The following A2M variants were observed in gnomAD, a reference collection of about 807,000 sequenced individuals.
A2M encodes C3 and PZP-like alpha-2-macroglobulin domain-containing protein 5.
In A2M, 128 loss-of-function variants were observed where a neutral mutation model predicts 183.9. The observed-to-expected ratio is 0.70, with a 90% CI of 0.60 to 0.81. The LOEUF (loss-of-function observed/expected upper bound fraction) is 0.81, where lower values mean the gene tolerates loss of function less well. Ranked by LOEUF, A2M falls within the 30% of genes least tolerant of loss-of-function variation. The probability of loss-of-function intolerance (pLI) is 0.00; values close to 1 mark genes in which losing one functional copy is unlikely to be tolerated. For missense variants in A2M, 1,495 were observed against 1,787.6 expected, an observed-to-expected ratio of 0.84 and a Z score of 2.95; for synonymous variants, 592 against 670.8, an observed-to-expected ratio of 0.88 and a Z score of 1.81.
chr12:9,068,664 C>G (rs1380549480), intron 34 of A2M, 76 bp downstream of exon 34: 1 of 1,169,686 alleles, frequency 8.5e-7, no homozygotes, highest in Non-Finnish European at 1.2e-6. Flanking sequence ...TAATAAATAA[C>G]CCCAACACAT....
chr12:9,079,617 C>T (rs768075039), intron 24 of A2M, 22 bp downstream of exon 24: 3 of 1,603,026 alleles, frequency 1.9e-6, no homozygotes, highest in South Asian at 1.1e-5. Context: ...TCAAGTTTTC[C>T]CTTACTCAAG....
intron 31 of A2M, among the ~76,000 whole-genome samples, chr12:9,072,044 A>G (rs74061424): frequency 1.2e-4 from 19 of 152,274 alleles, no homozygotes; most frequent in African/African-American, 4.6e-4. Flanking sequence ...CTTCATCTCT[A>G]TCTTCAATAA....
intron 4 of A2M, 168 bp downstream of exon 4, chr12:9,111,991 C>A (rs1938762229): frequency 1.3e-6 from 1 of 788,202 alleles, no homozygotes. Context: ...TACCTACTTT[C>A]TTTACCTGGA....
intron 1 of A2M, 80 bp from the exon 2 acceptor site, chr12:9,113,623 A>T: frequency 7.4e-7 from 1 of 1,354,660 alleles, no homozygotes; most frequent in Non-Finnish European, 1.0e-6. Context: ...CCATCATCAT[A>T]ATTATCATCA....
intron 15 of A2M, among the ~76,000 whole-genome samples, chr12:9,095,949 C>T (rs1160598666): frequency 2.7e-5 from 4 of 150,412 alleles, no homozygotes; most frequent in East Asian, 3.9e-4. Flanking sequence ...TTAGTAGAGA[C>T]GGGGTTTCAC....
At position 9,069,819 on chromosome 12, in the gene A2M, G is replaced by GA. The variant is rs1948511119; in HGVS notation, c.4195-7dup. 1 of 1,613,064 alleles carries GA rather than the reference G, an allele frequency of 6.2e-7. No individual in the cohort carries two copies. The highest frequency in any genetic ancestry group is 8.5e-7 in the Non-Finnish European group (1 of 1,179,328). On this transcript the variant is annotated splice_polypyrimidine_tract_variant and splice_region_variant and intron_variant, in intron 32 of 35. Coordinates refer to ENST00000318602, the MANE Select transcript of A2M (RefSeq NM_000014.6). ...ACATGGTTAGATCTTTCAAGCTGAA[G>GA]AAAATTGAAATACCACAAATGTTAA...
intron 29 of A2M, among the ~76,000 whole-genome samples, chr12:9,073,893 G>T (rs1408581682): frequency 6.6e-6 from 1 of 152,094 alleles, no homozygotes; most frequent in African/African-American, 2.4e-5. Flanking sequence ...TTCGAGATCA[G>T]CCTGGGCAAC....
At chr12:9,079,572 C>T (rs1245977631) in intron 24 of A2M, 67 bp downstream of exon 24, 2 of 1,459,648 alleles carry the variant, frequency 1.4e-6, no homozygotes, top group Non-Finnish European at 1.9e-6. Flanking sequence ...TCATAAGTAA[C>T]TGAAACCTAC....
chr12:9,099,556 A>C lies in A2M; in HGVS notation c.1559-33T>G, dbSNP rs376689482. On this transcript the variant is annotated intron_variant, in intron 13 of 35. Transcript: ENST00000318602. ...ACAAAGAGAATGAGAGGAAGCCATC[A>C]TAGGTTAATGACTATTTCCATTAGT... 5 of 1,587,986 alleles carry C rather than the reference A, an allele frequency of 3.1e-6. No individual in the cohort carries two copies. The African/African-American group carries it at 6.7e-5, about 21-fold the overall frequency.
At chr12:9,109,810 A>G in intron 6 of A2M, 57 bp downstream of exon 6, 2 of 1,496,454 alleles carry the variant, frequency 1.3e-6, no homozygotes, top group South Asian at 2.7e-5. Flanking sequence ...AAATTCCAGG[A>G]CCTAAGAGTT....
intron 22 of A2M, among the ~76,000 whole-genome samples, chr12:9,088,508 A>G (rs1949113854): frequency 6.6e-6 from 1 of 152,160 alleles, no homozygotes. Flanking sequence ...TTTATGTGTT[A>G]CATCTTGGCA....
chr12:9,079,115 T>C, intron 25 of A2M, 129 bp downstream of exon 25: 1 of 654,204 alleles, frequency 1.5e-6, no homozygotes, highest in East Asian at 2.8e-5. Context: ...TCTTGGTGGA[T>C]TTATCTAGTA....
intron 28 of A2M, 137 bp from the exon 29 acceptor site, chr12:9,074,920 T>G: frequency 1.0e-6 from 1 of 969,166 alleles, no homozygotes; most frequent in Admixed American, 2.8e-5. Flanking sequence ...TGCTTTTCCC[T>G]TCATGTAAAT....
At chr12:9,095,915 G>A (rs967169696) in intron 15 of A2M, among the ~76,000 whole-genome samples, 7 of 150,828 alleles carry the variant, frequency 4.6e-5, no homozygotes, top group African/African-American at 4.9e-5. Flanking sequence ...GCCCGCCACC[G>A]CGCCCGGCTA....
chr12:9,099,650 G>GA (rs1364541425), intron 13 of A2M, 127 bp from the exon 14 acceptor site: 26 of 1,171,448 alleles, frequency 2.2e-5, no homozygotes, highest in African/African-American at 6.3e-5. Flanking sequence ...TCTAGCTTTA[G>GA]AAAAAAACCC....
Position 9,089,205 on chromosome 12 carries a change from G to A in A2M, c.2765C>T (p.Pro922Leu), listed in dbSNP as rs1344416398. ...TTATGATGGTTGACTCTTACCTGAT[G>A]GACAAAGTAGGGAGTTGAATGTTGT... ...KETTFNSLLC[P>L]SGGEVSEELS... Residue 922 changes from proline (P) to leucine (L), a missense_variant, in exon 22 of 36, where the codon CCA becomes CTA. Pro to Leu is a moderately conservative substitution (Grantham distance 98). Transcript: ENST00000318602. 2 of 1,586,514 alleles carry A rather than the reference G, an allele frequency of 1.3e-6. No homozygotes were observed. Among genetic ancestry groups the A allele is most frequent in the South Asian group, 1.1e-5 (1 of 86,960 alleles).
At position 9,101,225 on chromosome 12, in the gene A2M, A is replaced by G; in HGVS notation, c.1495-18T>C. 1.3e-6 allele frequency: 2 copies of G among 1,552,720 alleles called. No homozygotes were observed. The highest frequency in any genetic ancestry group is 1.2e-5 in the South Asian group (1 of 84,084). ...GCCATTATCTGCAAAAAAGGAAATA[A>G]AAAGAAATTAAATGTGCCAGAGAGA... On this transcript the variant is annotated intron_variant, in intron 12 of 35. Transcript: ENST00000318602.
In A2M at chr12:9,115,910, A is replaced by T. The variant is rs976807778; in HGVS notation, c.-61T>A. On this transcript the variant is annotated 5_prime_UTR_variant, in exon 1 of 36. The change abolishes an upstream ATG in the 5' untranslated region. Transcript: ENST00000318602. The stretch of plus-strand genomic sequence containing the variant: ...TATTGTACCCTACTCCCTACAATCC[A>T]TCTGGTCCCAAACACTTCCCAAAGC... 7.1e-7 allele frequency: 1 copy of T among 1,415,324 alleles called. No homozygotes were observed. 87.7% of individuals were successfully genotyped at this position (1,415,324 alleles called of 1,614,324 possible).
At position 9,089,910 on chromosome 12, in the gene A2M, A is replaced by G; in HGVS notation, c.2710T>C (p.Leu904=). Residue 904 remains leucine, a synonymous_variant, in exon 21 of 36, where the codon TTG becomes CTG. Coordinates refer to ENST00000318602, the MANE Select transcript of A2M (RefSeq NM_000014.6). ...TATTTAGGTTTACTTACTTCAACCA[A>G]CAGAGGCTTGATGACTGTGTCTTTC... ...GRKDTVIKPL[L]VEPEGLEKET... The G allele has an allele frequency of 3.7e-6, 6 of 1,610,308 alleles. No homozygotes were observed. Among genetic ancestry groups the G allele is most frequent in the Non-Finnish European group, 4.2e-6 (5 of 1,177,438 alleles).
Sources: gnomAD v4.1 joint callset for allele counts (sites outside exome capture counted in the v4.1 genomes callset) on GRCh38, gnomAD v4.1.1 for gene constraint, MANE v1.5 for transcripts, NCBI Gene and HGNC (gene_info 2026-07-23, HGNC 2026-07-21) for gene names.